DNAAF4: variants seen among roughly 807,000 people sequenced by gnomAD.
DNAAF4 encodes the protein dynein axonemal assembly factor 4.
A neutral mutation model predicts 51.8 loss-of-function variants in DNAAF4; 43 were observed. That is an observed-to-expected ratio of 0.83 (90% CI 0.65 to 1.07). The LOEUF is 1.07. Ranked by LOEUF, DNAAF4 falls within the 50% of genes least tolerant of loss-of-function variation. The pLI, the probability that DNAAF4 is intolerant of heterozygous loss-of-function variation, is 0.00. For missense variants in DNAAF4, 581 were observed against 493.0 expected (o/e 1.18, Z -1.69); for synonymous variants, 194 against 165.6 (o/e 1.17, Z -1.32).
At chr15:55,467,940 T>C (rs183061350) in intron 4 of DNAAF4, among the ~76,000 whole-genome samples, 2 of 152,272 alleles carry the variant, frequency 1.3e-5, no homozygotes, top group East Asian at 3.9e-4. Flanking sequence ...ATTGACTCCA[T>C]GTATCTGACT....
In DNAAF4 at chr15:55,448,165, T is replaced by C. The variant is rs1246426898; in HGVS notation, c.783+2057A>G. ...AAGGCCTTTTCTGCATCTGGTGAGA[T>C]AATCATGCGGTTTTTATCTTTGGTT... is the stretch of plus-strand genomic sequence containing the variant. On this transcript the variant is annotated intron_variant, in intron 6 of 9. Coordinates refer to ENST00000321149, the MANE Select transcript of DNAAF4 (RefSeq NM_130810.4). Among the ~76,000 whole-genome samples, 7 of 152,298 alleles carry C rather than the reference T, an allele frequency of 4.6e-5. No individual in the cohort carries two copies. In the South Asian group the frequency reaches 1.0e-3, roughly 23 times the overall value.
At chr15:55,463,614 C>T (rs1049193382) in intron 5 of DNAAF4, among the ~76,000 whole-genome samples, 1 of 152,108 alleles carries the variant, frequency 6.6e-6, no homozygotes, top group Non-Finnish European at 1.5e-5. Flanking sequence ...TCAATGCACA[C>T]AAATCAGTAG....
chr15:55,502,167 G>C (rs1466824960), intron 1 of DNAAF4, among the ~76,000 whole-genome samples: 1 of 152,032 alleles, frequency 6.6e-6, no homozygotes, highest in Non-Finnish European at 1.5e-5. Flanking sequence ...TGAATTCATT[G>C]CTCACTGAGC....
At chr15:55,424,202 G>A (rs2057411104) in intron 7 of DNAAF4, among the ~76,000 whole-genome samples, 1 of 152,152 alleles carries the variant, frequency 6.6e-6, no homozygotes, top group Admixed American at 6.5e-5. Context: ...ATAAAAGAGG[G>A]GAGTTCAGCC....
intron 7 of DNAAF4, among the ~76,000 whole-genome samples, chr15:55,435,626 T>C (rs771298573): frequency 6.6e-6 from 1 of 152,212 alleles, no homozygotes; most frequent in Non-Finnish European, 1.5e-5. Flanking sequence ...TTTAGCTGTT[T>C]AGTTATATAA....
At chr15:55,459,633 G>A (rs2058066069) in intron 5 of DNAAF4, among the ~76,000 whole-genome samples, 1 of 152,000 alleles carries the variant, frequency 6.6e-6, no homozygotes, top group African/African-American at 2.4e-5. Context: ...CATAAACAGG[G>A]TGGAAAAAGA....
At chr15:55,429,960 A>C (rs549157043), downstream of DNAAF4, among the ~76,000 whole-genome samples, 1 of 152,192 alleles carries the variant, frequency 6.6e-6, no homozygotes, top group Non-Finnish European at 1.5e-5. Flanking sequence ...TACCAATACC[A>C]TAATATTCCA....
intron 1 of DNAAF4, among the ~76,000 whole-genome samples, chr15:55,503,244 A>ACAGACC (rs944329859): frequency 2.0e-5 from 3 of 152,214 alleles, no homozygotes; most frequent in African/African-American, 7.2e-5. Context: ...GAATCTCTGA[A>ACAGACC]CAGACCAATA....
intron 4 of DNAAF4, among the ~76,000 whole-genome samples, chr15:55,485,909 G>A (rs950385624): frequency 2.3e-4 from 34 of 149,828 alleles, no homozygotes; most frequent in African/African-American, 7.4e-4. Flanking sequence ...GCAGGAGAAT[G>A]GCATGAACCC....
At chr15:55,467,323 A>G (rs1427874466) in intron 4 of DNAAF4, among the ~76,000 whole-genome samples, 162 bp from the exon 5 acceptor site, 2 of 152,158 alleles carry the variant, frequency 1.3e-5, no homozygotes, top group Non-Finnish European at 2.9e-5. Flanking sequence ...GGGAAAGGTA[A>G]ATGATTCAGG....
chr15:55,428,635 C>T (rs1294807286), downstream of DNAAF4, among the ~76,000 whole-genome samples: 4 of 151,218 alleles, frequency 2.6e-5, no homozygotes, highest in Non-Finnish European at 2.9e-5. Context: ...GGTGGGACTA[C>T]AGGCGCCTGC....
intron 4 of DNAAF4, among the ~76,000 whole-genome samples, chr15:55,481,967 C>T (rs977702751): frequency 2.6e-5 from 4 of 152,190 alleles, no homozygotes; most frequent in South Asian, 2.1e-4. Context: ...AGCCTCTAAA[C>T]GGTACCCAGG....
intron 5 of DNAAF4, among the ~76,000 whole-genome samples, chr15:55,466,403 G>A (rs1025694706): frequency 3.3e-5 from 5 of 152,056 alleles, no homozygotes; most frequent in African/African-American, 4.8e-5. Flanking sequence ...CAGCCTGGGC[G>A]ATAGGGCCAG....
At chr15:55,428,804 G>C (rs1020594862), downstream of DNAAF4, among the ~76,000 whole-genome samples, 2 of 151,682 alleles carry the variant, frequency 1.3e-5, no homozygotes, top group African/African-American at 4.8e-5. Context: ...CTCTTTCACT[G>C]TCTTAATCAT....
At chr15:55,449,557 G>A (rs895873648) in intron 6 of DNAAF4, among the ~76,000 whole-genome samples, 1 of 150,606 alleles carries the variant, frequency 6.6e-6, no homozygotes, top group African/African-American at 2.4e-5. Context: ...CCAGCTACTA[G>A]GGAGGCTGAG....
At position 55,455,859 on chromosome 15, in the gene DNAAF4, T is replaced by C. The variant is rs539078611; in HGVS notation, c.638-5492A>G. On this transcript the variant is annotated intron_variant, in intron 5 of 9. Coordinates refer to ENST00000321149, the MANE Select transcript of DNAAF4 (RefSeq NM_130810.4). ...CAAATCCCACAAGTTTACTTATTCATAGTTATTTTTTTTTTCTGAACATCT... is the reference window on the plus strand; with the variant it reads ...CAAATCCCACAAGTTTACTTATTCACAGTTATTTTTTTTTTCTGAACATCT... Among the ~76,000 whole-genome samples, 9 of 152,188 alleles carry C rather than the reference T, an allele frequency of 5.9e-5. No individual in the cohort carries two copies. The East Asian group carries it at 1.4e-3, about 23-fold the overall frequency.
rs59329424 is a variant in DNAAF4, at chr15:55,467,544, TACACACAC to T, written c.406-391_406-384del. 1.6e-4 allele frequency among the ~76,000 whole-genome samples: 24 copies of T among 150,296 alleles called. 1 individual carries two copies. Among genetic ancestry groups the T allele is most frequent in the Admixed American group, 1.3e-3 (20 of 14,998 alleles). On this transcript the variant is annotated intron_variant, in intron 4 of 9. Transcript: ENST00000321149. ...GAGTTAAGCCACTTCTCTCAAAATCTACACACACACACACACACACACACATCCCAACA... is the reference window on the plus strand; with the variant it reads ...GAGTTAAGCCACTTCTCTCAAAATCTACACACACACACACACATCCCAACA...
At chr15:55,419,947 G>A (rs1165390018) in intron 7 of DNAAF4, among the ~76,000 whole-genome samples, 1 of 151,984 alleles carries the variant, frequency 6.6e-6, no homozygotes, top group Non-Finnish European at 1.5e-5. Context: ...AGGTTGCAGT[G>A]AGCCAAGATC....
At position 55,491,228 on chromosome 15, in the gene DNAAF4, T is replaced by A; in HGVS notation, c.300A>T (p.Arg100Ser). 1 of 1,613,360 alleles carries A rather than the reference T, an allele frequency of 6.2e-7. No individual in the cohort carries two copies. Among genetic ancestry groups the A allele is most frequent in the Non-Finnish European group, 8.5e-7 (1 of 1,179,790 alleles). Reference protein sequence around the residue: ...GVDKEMMQRIREKSILQAQER... With the variant: ...GVDKEMMQRISEKSILQAQER... ...CTTGTGCTTGTAAAATAGATTTTTC[T>A]CTAATTCTTTGCATCATCTCTTTGT... The change falls in exon 4 of 10, where the codon AGA becomes AGT. Residue 100 changes from arginine (R) to serine (S), a missense_variant. Physicochemically the swap from Arg to Ser is moderately radical, Grantham distance 110. Coordinates refer to ENST00000321149, the MANE Select transcript of DNAAF4 (RefSeq NM_130810.4).
Sources: allele counts gnomAD v4.1 joint callset (sites outside exome capture counted in the v4.1 genomes callset), GRCh38; gene constraint gnomAD v4.1.1; transcripts MANE v1.5; gene names NCBI Gene and HGNC (gene_info 2026-07-23, HGNC 2026-07-21).